Variants in RSRC1 observed in about 807,000 individuals in gnomAD.
The protein encoded by RSRC1 is arginine and serine rich coiled-coil 1.
A neutral mutation model predicts 49.1 loss-of-function variants in RSRC1; 39 were observed. The ratio of observed to expected loss-of-function variants is 0.79; its 90% CI spans 0.61 to 1.04. The LOEUF is 1.04. RSRC1 is among the 50% of genes least tolerant of loss of function. RSRC1 has a pLI of 0.00. For synonymous variants in RSRC1, 143 were observed against 130.8 expected (o/e 1.09, Z -0.63); for missense variants, 388 against 402.4 (o/e 0.96, Z 0.31).
Position 158,113,406 on chromosome 3 carries a change from G to A in RSRC1, c.-3+3183G>A, listed in dbSNP as rs201117691. The stretch of plus-strand genomic sequence containing the variant: ...TTTTTTGAGACGGGAGTCTCACTCT[G>A]TCACCAGGCTGGAGTGCAGTGGTGC... On this transcript the variant is annotated intron_variant, in intron 1 of 9. Coordinates refer to ENST00000611884, the MANE Select transcript of RSRC1 (RefSeq NM_001271838.2). 3.6e-5 allele frequency among the ~76,000 whole-genome samples: 5 copies of A among 140,576 alleles called. No individual in the cohort carries two copies. In the East Asian group the frequency reaches 1.0e-3, roughly 29 times the overall value. The allele number at this position is 140,576 out of a possible 152,430, so 92.2% of individuals were successfully genotyped here.
intron 6 of RSRC1, among the ~76,000 whole-genome samples, chr3:158,361,056 C>A (rs1259432140): frequency 6.6e-6 from 1 of 152,218 alleles, no homozygotes; most frequent in African/African-American, 2.4e-5. Flanking sequence ...CGGAGCTCCT[C>A]CTCACCCATG....
At chr3:158,417,141 T>C (rs1468572851) in intron 6 of RSRC1, among the ~76,000 whole-genome samples, 1 of 152,050 alleles carries the variant, frequency 6.6e-6, no homozygotes, top group Non-Finnish European at 1.5e-5. Flanking sequence ...AGTTGAACAG[T>C]GTACTTTTTC....
chr3:158,135,300 C>T (rs1382960548), intron 3 of RSRC1, among the ~76,000 whole-genome samples: 3 of 147,800 alleles, frequency 2.0e-5, no homozygotes, highest in African/African-American at 5.0e-5. Flanking sequence ...GACAGAATCT[C>T]GCTCTGTCAC....
intron 1 of RSRC1, among the ~76,000 whole-genome samples, chr3:158,118,196 T>C (rs908281315): frequency 2.0e-4 from 30 of 152,134 alleles, no homozygotes; most frequent in African/African-American, 6.8e-4. Context: ...GTGATCTGTT[T>C]GCCTTGGCTG....
chr3:158,110,443 G>A (rs1714299301), intron 1 of RSRC1: 1 of 152,604 alleles, frequency 6.6e-6, no homozygotes, highest in Non-Finnish European at 1.5e-5. Context: ...CTGTAGGGTG[G>A]GTGGGTGGCC....
At chr3:158,345,279 G>C (rs1189079517) in intron 5 of RSRC1, among the ~76,000 whole-genome samples, 1 of 151,804 alleles carries the variant, frequency 6.6e-6, no homozygotes, top group Non-Finnish European at 1.5e-5. Context: ...ATTGCAATGT[G>C]GTAGATTAAT....
At chr3:158,187,397 A>G (rs1559934432) in intron 3 of RSRC1, among the ~76,000 whole-genome samples, 1 of 152,184 alleles carries the variant, frequency 6.6e-6, no homozygotes, top group East Asian at 1.9e-4. Context: ...TAACTATTAT[A>G]GTAAAGGGGA....
chr3:158,500,966 C>T (rs1003293520), intron 7 of RSRC1, among the ~76,000 whole-genome samples: 3 of 151,886 alleles, frequency 2.0e-5, no homozygotes, highest in African/African-American at 7.3e-5. Flanking sequence ...TCAGTTTGTG[C>T]TCTGTCAGTC....
chr3:158,390,602 T>C lies in RSRC1; in HGVS notation c.583+35694T>C, dbSNP rs555553017. ...GATTATACTAACTACATAGAATTTCTCTTATTTTATAATAATCGTAATATA... is the reference window on the plus strand; with the variant it reads ...GATTATACTAACTACATAGAATTTCCCTTATTTTATAATAATCGTAATATA... On this transcript the variant is annotated intron_variant, in intron 6 of 9. Coordinates refer to ENST00000611884, the MANE Select transcript of RSRC1 (RefSeq NM_001271838.2). 8.5e-5 allele frequency among the ~76,000 whole-genome samples: 13 copies of C among 152,268 alleles called. No individual in the cohort carries two copies. In the East Asian group the frequency reaches 2.5e-3, roughly 29 times the overall value.
At chr3:158,289,516 A>G (rs192809866) in intron 4 of RSRC1, among the ~76,000 whole-genome samples, 167 of 152,362 alleles carry the variant, frequency 1.1e-3, no homozygotes, top group Admixed American at 1.7e-3. Context: ...TGTGCAAATG[A>G]TTTATAAGTT....
At chr3:158,439,986 G>A (rs976441153) in intron 6 of RSRC1, among the ~76,000 whole-genome samples, 1 of 151,950 alleles carries the variant, frequency 6.6e-6, no homozygotes, top group Non-Finnish European at 1.5e-5. Context: ...GGCAAGGGGA[G>A]GGAGAGCACT....
intron 3 of RSRC1, among the ~76,000 whole-genome samples, chr3:158,140,882 C>G (rs763135389): frequency 6.6e-6 from 1 of 152,182 alleles, no homozygotes; most frequent in Non-Finnish European, 1.5e-5. Flanking sequence ...GGAAAAGACT[C>G]TTCCTGCTAG....
intron 7 of RSRC1, among the ~76,000 whole-genome samples, chr3:158,521,353 G>A (rs193199653): frequency 1.8e-4 from 28 of 151,872 alleles, no homozygotes; most frequent in African/African-American, 6.0e-4. Context: ...CCACATCTTC[G>A]GAACCCCTTG....
At chr3:158,137,850 C>T (rs949207459) in intron 3 of RSRC1, among the ~76,000 whole-genome samples, 12 of 152,066 alleles carry the variant, frequency 7.9e-5, no homozygotes, top group African/African-American at 2.7e-4. Flanking sequence ...GACAGGGTTT[C>T]GCCATGTTGG....
chr3:158,429,153 TTTA>T (rs1193196222), intron 6 of RSRC1, among the ~76,000 whole-genome samples: 1 of 151,878 alleles, frequency 6.6e-6, no homozygotes, highest in Non-Finnish European at 1.5e-5. Flanking sequence ...TTCTAATAAT[TTTA>T]TTATTCATCC....
intron 4 of RSRC1, among the ~76,000 whole-genome samples, chr3:158,251,280 A>C (rs1724195633): frequency 1.3e-5 from 2 of 152,094 alleles, no homozygotes; most frequent in South Asian, 2.1e-4. Context: ...CTTTTTATTC[A>C]GGATGGCTTT....
intron 3 of RSRC1, among the ~76,000 whole-genome samples, chr3:158,196,283 A>C (rs1352142174): frequency 3.3e-5 from 5 of 152,150 alleles, no homozygotes; most frequent in Middle Eastern, 6.8e-3. Context: ...GAGTTCACTC[A>C]TGATTTGGCT....
chr3:158,189,783 C>G (rs1353043783), intron 3 of RSRC1, among the ~76,000 whole-genome samples: 1 of 151,694 alleles, frequency 6.6e-6, no homozygotes, highest in Non-Finnish European at 1.5e-5. Context: ...TCTTTGTTTT[C>G]TATTTGTCCA....
intron 7 of RSRC1, among the ~76,000 whole-genome samples, chr3:158,514,465 C>T: frequency 6.6e-6 from 1 of 152,182 alleles, no homozygotes; most frequent in Non-Finnish European, 1.5e-5. Flanking sequence ...AGTTTGATTG[C>T]ACTGTGGTCT....
Sources: allele counts gnomAD v4.1 joint callset (sites outside exome capture counted in the v4.1 genomes callset), GRCh38; gene constraint gnomAD v4.1.1; transcripts MANE v1.5; gene names NCBI Gene and HGNC (gene_info 2026-07-23, HGNC 2026-07-21).